INPP4B: variants seen among roughly 807,000 people sequenced by gnomAD.
The protein encoded by INPP4B is inositol polyphosphate-4-phosphatase type II B, also known as inositol polyphosphate 4-phosphatase type II.
In INPP4B, 55 loss-of-function variants were observed where a neutral mutation model predicts 122.5. The observed-to-expected ratio is 0.45, with a 90% CI of 0.36 to 0.56. The LOEUF is 0.56. Ranked by LOEUF, INPP4B falls within the 20% of genes least tolerant of loss-of-function variation. INPP4B has a pLI of 0.00. For missense variants in INPP4B, 1,000 were observed against 1,097.7 expected, an observed-to-expected ratio of 0.91 and a Z score of 1.26; for synonymous variants, 403 against 388.7, an observed-to-expected ratio of 1.04 and a Z score of -0.43.
chr4:142,256,734 G>A (rs1462150639), intron 11 of INPP4B, among the ~76,000 whole-genome samples: 1 of 152,112 alleles, frequency 6.6e-6, no homozygotes, highest in Non-Finnish European at 1.5e-5. Flanking sequence ...ACCAAAAAGA[G>A]TCCAGGACCA....
At chr4:142,458,259 T>C (rs1249388649) in intron 3 of INPP4B, among the ~76,000 whole-genome samples, 2 of 152,024 alleles carry the variant, frequency 1.3e-5, no homozygotes, top group African/African-American at 4.8e-5. Context: ...ATAGAAAAAG[T>C]CCAGTAAGTA....
chr4:142,341,247 C>T (rs542727698), intron 7 of INPP4B, among the ~76,000 whole-genome samples: 4 of 152,178 alleles, frequency 2.6e-5, no homozygotes, highest in African/African-American at 9.6e-5. Context: ...TGTTTCTAAA[C>T]AGACATGATG....
At chr4:142,215,766 G>A (rs142733644) in intron 12 of INPP4B, among the ~76,000 whole-genome samples, 4,316 of 151,526 alleles carry the variant, frequency 0.028, 94 homozygotes, top group Middle Eastern at 0.048. Flanking sequence ...GGTGGTGGGC[G>A]CCTGTAGTCC....
chr4:142,551,908 T>C (rs1467864860), intron 2 of INPP4B, among the ~76,000 whole-genome samples: 1 of 152,206 alleles, frequency 6.6e-6, no homozygotes, highest in Non-Finnish European at 1.5e-5. Context: ...TAAGGCTATA[T>C]TTTAGTCCTG....
intron 2 of INPP4B, among the ~76,000 whole-genome samples, chr4:142,471,985 AT>A (rs1288434424): frequency 6.6e-6 from 1 of 152,110 alleles, no homozygotes; most frequent in East Asian, 1.9e-4. Context: ...TTTTTTTCAG[AT>A]TTTGAAAGCA....
At chr4:142,086,512 C>T (rs1169691266) in intron 23 of INPP4B, among the ~76,000 whole-genome samples, 1 of 152,074 alleles carries the variant, frequency 6.6e-6, no homozygotes, top group African/African-American at 2.4e-5. Flanking sequence ...CATCACCATG[C>T]CCAGCTACTT....
At chr4:142,695,085 C>T (rs1760837767) in intron 2 of INPP4B, among the ~76,000 whole-genome samples, 1 of 150,908 alleles carries the variant, frequency 6.6e-6, no homozygotes, top group African/African-American at 2.4e-5. Context: ...TAATCATTCA[C>T]TTTTTTTTTA....
chr4:142,047,789 T>G (rs966893), intron 25 of INPP4B, among the ~76,000 whole-genome samples: 120,477 of 151,930 alleles, frequency 0.79, 50,966 homozygotes, highest in Non-Finnish European at 0.93. Flanking sequence ...AGCACAGATA[T>G]GAAACAAAAA....
chr4:142,047,923 G>T (rs1225792562), intron 25 of INPP4B, among the ~76,000 whole-genome samples: 2 of 152,136 alleles, frequency 1.3e-5, no homozygotes, highest in African/African-American at 2.4e-5. Flanking sequence ...AAGCCACTAA[G>T]AATTCCAGGA....
chr4:142,182,557 AAACAAAC>A lies in INPP4B; in HGVS notation c.1182-8755_1182-8749del, dbSNP rs1280541076. On this transcript the variant is annotated intron_variant, in intron 15 of 25. Coordinates refer to ENST00000262992, the MANE Select transcript of INPP4B (RefSeq NM_001101669.3). ...GCGAGACTCTGTCTCAAAAAAAAAA[AAACAAAC>A]AAAAAAAAGATTCTTAATGTGAAAA... Among the ~76,000 whole-genome samples, 16 of 32,508 alleles carry A rather than the reference AAACAAAC, an allele frequency of 4.9e-4. 2 individuals are homozygous for A. The highest frequency in any genetic ancestry group is 1.4e-3 in the Admixed American group (2 of 1,468). 21.3% of individuals were successfully genotyped at this position (32,508 alleles called of 152,430 possible). A position where few individuals can be genotyped will look rare whatever the true frequency, so the allele number is the denominator to read the frequency against.
intron 3 of INPP4B, among the ~76,000 whole-genome samples, chr4:142,436,547 G>A (rs1007576961): frequency 6.6e-6 from 1 of 152,160 alleles, no homozygotes; most frequent in Non-Finnish European, 1.5e-5. Context: ...ACCAGAGGAA[G>A]GAGCAGGCAC....
chr4:142,057,469 G>A (rs1343278167), intron 25 of INPP4B, among the ~76,000 whole-genome samples: 1 of 151,142 alleles, frequency 6.6e-6, no homozygotes, highest in African/African-American at 2.4e-5. Flanking sequence ...ATTCTAAGTA[G>A]GTATTTTAAA....
At chr4:142,081,968 A>T (rs529010239) in intron 25 of INPP4B, 63 bp downstream of exon 25, 226 of 1,232,948 alleles carry the variant, frequency 1.8e-4, no homozygotes, top group Non-Finnish European at 2.3e-4. Flanking sequence ...TATTTTGAAA[A>T]AAAAAATAAA....
intron 7 of INPP4B, among the ~76,000 whole-genome samples, chr4:142,382,051 A>G (rs1027297306): frequency 1.3e-5 from 2 of 152,158 alleles, no homozygotes; most frequent in Non-Finnish European, 2.9e-5. Context: ...AAAAAAACGT[A>G]TCTAATTCCC....
chr4:142,731,328 T>C (rs796653048), intron 1 of INPP4B, among the ~76,000 whole-genome samples: 5 of 152,322 alleles, frequency 3.3e-5, no homozygotes, highest in African/African-American at 1.2e-4. Flanking sequence ...GCAATCCTTT[T>C]GCATTTCTCT....
At chr4:142,171,234 TC>T (rs1825500302) in intron 16 of INPP4B, among the ~76,000 whole-genome samples, 1 of 151,740 alleles carries the variant, frequency 6.6e-6, no homozygotes, top group African/African-American at 2.4e-5. Context: ...AGTAAACTCT[TC>T]CATGTTCAGG....
intron 2 of INPP4B, among the ~76,000 whole-genome samples, chr4:142,684,740 C>T (rs759099872): frequency 2.0e-5 from 3 of 151,960 alleles, no homozygotes; most frequent in Non-Finnish European, 4.4e-5. Flanking sequence ...TAGCCGCAGC[C>T]ATTTCAGAAT....
At chr4:142,524,564 G>C (rs1261987622) in intron 2 of INPP4B, among the ~76,000 whole-genome samples, 2 of 152,036 alleles carry the variant, frequency 1.3e-5, no homozygotes, top group Non-Finnish European at 2.9e-5. Context: ...TTAGCCCTGG[G>C]ATGCAAGGCT....
At chr4:142,318,865 A>G (rs1768892729) in intron 7 of INPP4B, among the ~76,000 whole-genome samples, 1 of 152,188 alleles carries the variant, frequency 6.6e-6, no homozygotes, top group South Asian at 2.1e-4. Context: ...ACAAATCTTA[A>G]TTGTTCCCAA....
Sources: allele counts gnomAD v4.1 joint callset (sites outside exome capture counted in the v4.1 genomes callset), GRCh38; gene constraint gnomAD v4.1.1; transcripts MANE v1.5; gene names NCBI Gene and HGNC (gene_info 2026-07-23, HGNC 2026-07-21).